The following HERC2 variants were observed in gnomAD, a reference collection of about 807,000 sequenced individuals.
HERC2 encodes HECT and RLD domain containing E3 ubiquitin protein ligase 2.
HERC2 carries 102 observed loss-of-function variants against 537.7 expected under a neutral mutation model. That is an observed-to-expected ratio of 0.19 (90% CI 0.16 to 0.22). The LOEUF (loss-of-function observed/expected upper bound fraction) is 0.22. Ranked by LOEUF, HERC2 falls within the 10% of genes least tolerant of loss-of-function variation. The pLI, the probability that HERC2 is intolerant of heterozygous loss-of-function variation, is 1.00. For synonymous variants in HERC2, 2,224 were observed against 2,466.2 expected (o/e 0.90, Z 2.91); for missense variants, 4,236 against 6,198.2 (o/e 0.68, Z 10.63).
At chr15:28,151,258 C>G (rs976453664) in intron 70 of HERC2, among the ~76,000 whole-genome samples, 8 of 152,044 alleles carry the variant, frequency 5.3e-5, no homozygotes, top group South Asian at 2.1e-4. Flanking sequence ...AAAGGAGAGA[C>G]AGATGTAACA....
At chr15:28,155,708 A>G (rs958291499) in intron 69 of HERC2, among the ~76,000 whole-genome samples, 1 of 151,986 alleles carries the variant, frequency 6.6e-6, no homozygotes, top group Non-Finnish European at 1.5e-5. Flanking sequence ...CCCATTCTGT[A>G]GGTTGCCTGT....
intron 56 of HERC2, among the ~76,000 whole-genome samples, chr15:28,183,204 GTTTA>G (rs756667398): frequency 2.6e-5 from 4 of 152,048 alleles, no homozygotes; most frequent in African/African-American, 7.2e-5. Context: ...CAGGTTAGGA[GTTTA>G]TTTATTTTTT....
At position 28,136,417 on chromosome 15, in the gene HERC2, G is replaced by A. The variant is rs533118396; in HGVS notation, c.12016-725C>T. Among the ~76,000 whole-genome samples, 9 of 152,368 alleles carry A rather than the reference G, an allele frequency of 5.9e-5. No homozygotes were observed. The South Asian group carries it at 6.2e-4, about 11-fold the overall frequency. On this transcript the variant is annotated intron_variant, in intron 78 of 92. Transcript: ENST00000261609. The stretch of plus-strand genomic sequence containing the variant: ...AGCCCCACCCCCAAAGCCAGCTTCT[G>A]GCGGGGAGGGTGTGAGGCTCTCTGG...
chr15:28,150,340 G>A (rs1052363574), intron 70 of HERC2, among the ~76,000 whole-genome samples: 14 of 147,660 alleles, frequency 9.5e-5, no homozygotes, highest in East Asian at 2.0e-4. Context: ...AAAAACACGC[G>A]GCTTCTAACA....
At chr15:28,149,818 T>G (rs1288430982) in intron 70 of HERC2, among the ~76,000 whole-genome samples, 2 of 151,400 alleles carry the variant, frequency 1.3e-5, no homozygotes, top group African/African-American at 4.9e-5. Context: ...ACGTGACTTC[T>G]AACCAAGAAC....
intron 64 of HERC2, among the ~76,000 whole-genome samples, chr15:28,174,900 C>G (rs757228076): frequency 6.6e-6 from 1 of 152,006 alleles, no homozygotes; most frequent in Non-Finnish European, 1.5e-5. Context: ...ACAGAAGGTC[C>G]TCTCTCTAAC....
chr15:28,140,913 T>C (rs752432424), intron 78 of HERC2, among the ~76,000 whole-genome samples: 26 of 152,096 alleles, frequency 1.7e-4, no homozygotes, highest in Non-Finnish European at 2.9e-5. Flanking sequence ...TGTAATACTT[T>C]TGCATACATG....
At chr15:28,275,865 TTATAC>T (rs1447959304) in intron 5 of HERC2, among the ~76,000 whole-genome samples, 3 of 152,058 alleles carry the variant, frequency 2.0e-5, no homozygotes, top group Admixed American at 6.6e-5. Flanking sequence ...ATGTTATACT[TTATAC>T]TATATCATGT....
intron 87 of HERC2, 34 bp downstream of exon 87, chr15:28,116,979 G>A: frequency 6.2e-7 from 1 of 1,613,766 alleles, no homozygotes; most frequent in Non-Finnish European, 8.5e-7. Flanking sequence ...CACTGCCGGG[G>A]ACACAGGTGC....
intron 10 of HERC2, 52 bp from the exon 11 acceptor site, chr15:28,269,488 A>C (rs968558340): frequency 2.1e-6 from 3 of 1,446,394 alleles, no homozygotes; most frequent in Non-Finnish European, 2.9e-6. Flanking sequence ...CAATAAAAAA[A>C]GGCTGGGAGT....
chr15:28,133,026 C>A (rs563123000), intron 79 of HERC2, among the ~76,000 whole-genome samples, 196 bp from the exon 80 acceptor site: 1 of 152,188 alleles, frequency 6.6e-6, no homozygotes, highest in South Asian at 2.1e-4. Context: ...CACGGCTTCC[C>A]CAGCTCTGAC....
At chr15:28,285,935 C>T (rs2076146851) in intron 4 of HERC2, among the ~76,000 whole-genome samples, 1 of 151,646 alleles carries the variant, frequency 6.6e-6, no homozygotes, top group African/African-American at 2.4e-5. Context: ...GCAAAATGGA[C>T]TTATTCCTCA....
intron 9 of HERC2, among the ~76,000 whole-genome samples, chr15:28,271,339 G>A (rs2075721650): frequency 6.6e-6 from 1 of 152,204 alleles, no homozygotes; most frequent in Non-Finnish European, 1.5e-5. Flanking sequence ...TCTAAAGGCA[G>A]AAGAGCCCTA....
At chr15:28,203,557 G>A (rs1048268404) in intron 45 of HERC2, 1 of 152,008 alleles carries the variant, frequency 6.6e-6, no homozygotes, top group Non-Finnish European at 1.5e-5. Context: ...TTTTAAAACT[G>A]CTTGAGGGCA....
rs374709094 is a variant in HERC2, at chr15:28,132,682, C to T, written c.12379G>A (p.Asp4127Asn). The T allele has an allele frequency of 1.3e-5, 21 of 1,577,428 alleles. No homozygotes were observed. Among genetic ancestry groups the T allele is most frequent in the Admixed American group, 5.5e-5 (3 of 54,994 alleles). ...TTCGGCTTCAGCTGGTCCTCACTGT[C>T]GCTGTGCCCCAGCCGGCCGTAGCGG... is the stretch of plus-strand genomic sequence containing the variant. Reference protein sequence around the residue: ...KGRYGRLGHSDSEDQLKPKLV... With the variant: ...KGRYGRLGHSNSEDQLKPKLV... The change falls in exon 80 of 93, where the codon GAC becomes AAC. Residue 4127 changes from aspartate (D) to asparagine (N), a missense_variant. Physicochemically the swap from Asp to Asn is conservative, Grantham distance 23. Coordinates refer to ENST00000261609, the MANE Select transcript of HERC2 (RefSeq NM_004667.6).
chr15:28,274,821 G>T, intron 6 of HERC2, 84 bp downstream of exon 6: 2 of 1,025,218 alleles, frequency 2.0e-6, no homozygotes, highest in Non-Finnish European at 1.5e-6. Context: ...CAGCCAAAGG[G>T]CACATGGTGG....
chr15:28,253,666 T>TA (rs2075156933), intron 20 of HERC2, among the ~76,000 whole-genome samples: 1 of 152,234 alleles, frequency 6.6e-6, no homozygotes, highest in African/African-American at 2.4e-5. Flanking sequence ...AATCACCTAC[T>TA]AAAATACAAT....
intron 20 of HERC2, among the ~76,000 whole-genome samples, chr15:28,250,328 C>G (rs911045300): frequency 5.6e-4 from 85 of 152,048 alleles, no homozygotes; most frequent in African/African-American, 2.0e-3. Context: ...TCACCACCAC[C>G]AGACATCACC....
chr15:28,192,956 C>A (rs959964187), intron 52 of HERC2, among the ~76,000 whole-genome samples: 1 of 151,672 alleles, frequency 6.6e-6, no homozygotes, highest in Non-Finnish European at 1.5e-5. Flanking sequence ...CAGATTGCAA[C>A]TCAGCATAAA....
Sources: allele counts gnomAD v4.1 joint callset (sites outside exome capture counted in the v4.1 genomes callset), GRCh38; gene constraint gnomAD v4.1.1; transcripts MANE v1.5; gene names NCBI Gene and HGNC (gene_info 2026-07-23, HGNC 2026-07-21).